The following LEPR variants were observed in gnomAD, a reference collection of about 807,000 sequenced individuals.
LEPR encodes the protein OB receptor.
A neutral mutation model predicts 114.7 loss-of-function variants in LEPR; 56 were observed. The observed-to-expected ratio is 0.49, with a 90% confidence interval of 0.39 to 0.61. LEPR has a LOEUF of 0.61. Ranked by LOEUF, LEPR falls within the 20% of genes least tolerant of loss-of-function variation. The pLI is 0.00. For synonymous variants in LEPR, 443 were observed against 461.4 expected, an observed-to-expected ratio of 0.96 and a Z score of 0.51; for missense variants, 1,202 against 1,352.9, an observed-to-expected ratio of 0.89 and a Z score of 1.75.
chr1:65,453,210 T>C (rs1324606010), intron 2 of LEPR, among the ~76,000 whole-genome samples: 1 of 152,156 alleles, frequency 6.6e-6, no homozygotes, highest in Non-Finnish European at 1.5e-5. Context: ...ATCAATTTTG[T>C]TGATCCTTTC....
intron 2 of LEPR, among the ~76,000 whole-genome samples, chr1:65,527,971 C>T (rs763490595): frequency 4.6e-5 from 7 of 152,108 alleles, no homozygotes; most frequent in Non-Finnish European, 1.0e-4. Context: ...TCATTCATGG[C>T]TTGGGAGTGT....
At chr1:65,502,433 A>ATTT (rs61383521) in intron 2 of LEPR, among the ~76,000 whole-genome samples, 1 of 150,088 alleles carries the variant, frequency 6.7e-6, no homozygotes, top group Admixed American at 6.6e-5. Context: ...CCAGACTGGC[A>ATTT]TTTTTTTTTT....
rs1327431080 is a variant in LEPR, at chr1:65,610,385, G to A, written c.1995+89G>A. On this transcript the variant is annotated intron_variant, in intron 14 of 19. Coordinates refer to ENST00000349533, the MANE Select transcript of LEPR (RefSeq NM_002303.6). ...GTCCATAATCCTGTTATTAATCTTC[G>A]GAAAGCTCAACAATCCTGTATTTTC... 27 of 1,111,394 alleles carry A rather than the reference G, an allele frequency of 2.4e-5. 1 individual carries two copies. Among genetic ancestry groups the A allele is most frequent in the South Asian group, 7.3e-5 (5 of 68,064 alleles). 68.8% of individuals were successfully genotyped at this position (1,111,394 alleles called of 1,614,324 possible). A position where few individuals can be genotyped will look rare whatever the true frequency, so the allele number is the denominator to read the frequency against.
At chr1:65,540,448 A>C (rs1651110570) in intron 2 of LEPR, among the ~76,000 whole-genome samples, 1 of 152,028 alleles carries the variant, frequency 6.6e-6, no homozygotes, top group South Asian at 2.1e-4. Context: ...CTCTGAGTTC[A>C]TGCAAGATCT....
intron 3 of LEPR, among the ~76,000 whole-genome samples, chr1:65,569,372 A>G (rs1222689304): frequency 6.6e-6 from 1 of 152,204 alleles, no homozygotes; most frequent in African/African-American, 2.4e-5. Flanking sequence ...CTTACTGAAA[A>G]AACAATTATG....
intron 2 of LEPR, among the ~76,000 whole-genome samples, chr1:65,462,152 T>A (rs1570495732): frequency 6.6e-6 from 1 of 151,892 alleles, no homozygotes; most frequent in African/African-American, 2.4e-5. Flanking sequence ...CCCTCTCCCA[T>A]CCCCCCACCC....
chr1:65,605,283 A>G (rs1656738366), intron 11 of LEPR, 46 bp downstream of exon 11: 1 of 1,597,848 alleles, frequency 6.3e-7, no homozygotes, highest in Non-Finnish European at 8.6e-7. Context: ...GCAGATTTGT[A>G]TGCAGATTGA....
chr1:65,496,340 A>C (rs1362999452), intron 2 of LEPR, among the ~76,000 whole-genome samples: 1 of 152,180 alleles, frequency 6.6e-6, no homozygotes, highest in Admixed American at 6.5e-5. Flanking sequence ...TGGGAGGCCA[A>C]GGCGGTGGGA....
intron 2 of LEPR, among the ~76,000 whole-genome samples, chr1:65,539,389 A>G (rs940152344): frequency 9.2e-5 from 14 of 152,154 alleles, no homozygotes; most frequent in Non-Finnish European, 1.0e-4. Context: ...ATGGCTGTTA[A>G]ATGAAGAAAC....
In LEPR at chr1:65,636,748, C is replaced by G; in HGVS notation, c.3231C>G (p.Ile1077Met). 3 of 1,613,328 alleles carry G rather than the reference C, an allele frequency of 1.9e-6. No homozygotes were observed. The highest frequency in any genetic ancestry group is 2.5e-6 in the Non-Finnish European group (3 of 1,179,766). Residue 1077 changes from isoleucine (I) to methionine (M), a missense_variant, in exon 20 of 20, where the codon ATC becomes ATG. Physicochemically the swap from Ile to Met is conservative, Grantham distance 10 (BLOSUM62 1). Transcript: ENST00000349533. ...AAGAAAATAATGATAAAAAGTCTATCTATTATTTAGGGGTCACCTCAATCA... is the reference window on the plus strand; with the variant it reads ...AAGAAAATAATGATAAAAAGTCTATGTATTATTTAGGGGTCACCTCAATCA... Reference protein sequence around the residue: ...FPEENNDKKSIYYLGVTSIKK... With the variant: ...FPEENNDKKSMYYLGVTSIKK...
At chr1:65,447,351 T>G (rs1022623075) in intron 2 of LEPR, among the ~76,000 whole-genome samples, 1 of 152,106 alleles carries the variant, frequency 6.6e-6, no homozygotes, top group Non-Finnish European at 1.5e-5. Context: ...TCCAGCACCA[T>G]CTGTTGAGTC....
intron 19 of LEPR, among the ~76,000 whole-genome samples, chr1:65,628,695 G>A (rs1658356789): frequency 6.6e-6 from 1 of 152,016 alleles, no homozygotes; most frequent in Admixed American, 6.5e-5. Flanking sequence ...TTCCTCTACT[G>A]GTGGATGTTT....
chr1:65,484,390 C>CT (rs199835959), intron 2 of LEPR, among the ~76,000 whole-genome samples: 28 of 150,236 alleles, frequency 1.9e-4, no homozygotes, highest in African/African-American at 4.4e-4. Flanking sequence ...GCCTCCCACA[C>CT]TTTTTTTTTT....
intron 2 of LEPR, among the ~76,000 whole-genome samples, chr1:65,503,250 ATT>A (rs769484267): frequency 5.3e-5 from 8 of 152,162 alleles, no homozygotes; most frequent in Non-Finnish European, 1.0e-4. Context: ...AACGCCATGC[ATT>A]TATCAAAACC....
chr1:65,625,998 C>G (rs1658186194), intron 19 of LEPR: 1 of 810,382 alleles, frequency 1.2e-6, no homozygotes, highest in African/African-American at 1.7e-5. Context: ...CATTTAAGCT[C>G]TGAAATCTTA....
intron 19 of LEPR, chr1:65,635,402 T>G: frequency 3.1e-6 from 3 of 981,152 alleles, no homozygotes; most frequent in Non-Finnish European, 3.6e-6. Context: ...TGTGATATAA[T>G]CACTTCTATA....
At chr1:65,454,349 C>T (rs568498956) in intron 2 of LEPR, among the ~76,000 whole-genome samples, 17 of 151,704 alleles carry the variant, frequency 1.1e-4, no homozygotes, top group East Asian at 7.7e-4. Flanking sequence ...TTCTTTTGCT[C>T]GTTAGTTCAT....
intron 5 of LEPR, among the ~76,000 whole-genome samples, chr1:65,579,855 G>A (rs2100843977): frequency 6.6e-6 from 1 of 152,214 alleles, no homozygotes; most frequent in South Asian, 2.1e-4. Flanking sequence ...AATTTGAATA[G>A]TTACTTAGTT....
intron 2 of LEPR, among the ~76,000 whole-genome samples, chr1:65,558,371 T>TA (rs1652976964): frequency 6.6e-6 from 1 of 152,182 alleles, no homozygotes; most frequent in South Asian, 2.1e-4. Flanking sequence ...TATACTCATT[T>TA]ATTTTCTTCC....
Sources: allele counts gnomAD v4.1 joint callset (sites outside exome capture counted in the v4.1 genomes callset), GRCh38; gene constraint gnomAD v4.1.1; transcripts MANE v1.5; gene names NCBI Gene and HGNC (gene_info 2026-07-23, HGNC 2026-07-21).